Variants in FAM168A observed in about 807,000 individuals in gnomAD.
FAM168A encodes the protein family with sequence similarity 168 member A.
Under a neutral mutation model 28.5 loss-of-function variants are expected in FAM168A, and 3 were observed. That is an observed-to-expected ratio of 0.11 (90% CI 0.05 to 0.27). The LOEUF is 0.27. FAM168A is among the 10% of genes least tolerant of loss of function. The pLI is 1.00. For missense variants in FAM168A, 222 were observed against 311.5 expected, an observed-to-expected ratio of 0.71 and a Z score of 2.16; for synonymous variants, 122 against 124.2, an observed-to-expected ratio of 0.98 and a Z score of 0.12.
At chr11:73,533,014 C>T (rs1266607838) in intron 1 of FAM168A, among the ~76,000 whole-genome samples, 1 of 152,226 alleles carries the variant, frequency 6.6e-6, no homozygotes, top group African/African-American at 2.4e-5. Flanking sequence ...AGAATTTGAC[C>T]TTCTCTGTAG....
chr11:73,421,593 A>C (rs1038381593), intron 3 of FAM168A, among the ~76,000 whole-genome samples: 5 of 148,804 alleles, frequency 3.4e-5, no homozygotes, highest in African/African-American at 5.2e-5. Flanking sequence ...GTTTTAAACA[A>C]TCATTTTGCG....
At chr11:73,571,529 G>A (rs995562808) in intron 1 of FAM168A, among the ~76,000 whole-genome samples, 1 of 152,058 alleles carries the variant, frequency 6.6e-6, no homozygotes, top group African/African-American at 2.4e-5. Flanking sequence ...ATTGCAGACG[G>A]AGTCTCGTTC....
intron 1 of FAM168A, among the ~76,000 whole-genome samples, chr11:73,529,873 A>C (rs1404622908): frequency 7.1e-6 from 1 of 140,726 alleles, no homozygotes; most frequent in Non-Finnish European, 1.5e-5. Context: ...TGAAACCTCC[A>C]CCTCCTGGGT....
chr11:73,552,063 G>A (rs916513349), intron 1 of FAM168A, among the ~76,000 whole-genome samples: 1 of 152,146 alleles, frequency 6.6e-6, no homozygotes, highest in African/African-American at 2.4e-5. Context: ...AAAAGCAGTG[G>A]ACTTTCTTAT....
intron 1 of FAM168A, among the ~76,000 whole-genome samples, chr11:73,516,116 A>G (rs2134644403): frequency 6.6e-6 from 1 of 152,026 alleles, no homozygotes; most frequent in Admixed American, 6.6e-5. Flanking sequence ...AAAAAAAAAA[A>G]AGAATCAGAA....
At chr11:73,461,841 TA>T (rs1867652059) in intron 2 of FAM168A, among the ~76,000 whole-genome samples, 1 of 152,074 alleles carries the variant, frequency 6.6e-6, no homozygotes, top group South Asian at 2.1e-4. Context: ...ACCTGAATGA[TA>T]ACAGTGGAAA....
rs1036163837 is a variant in FAM168A, at chr11:73,458,024, T to C, written c.70+10381A>G. On this transcript the variant is annotated intron_variant, in intron 2 of 7. Coordinates refer to ENST00000356467, the MANE Select transcript of FAM168A (RefSeq NM_015159.3). The stretch of plus-strand genomic sequence containing the variant: ...CACTGACAGTAATTAGTGGTAGTTA[T>C]TACTATAATAACAGCAACAATAATA... Among the ~76,000 whole-genome samples, 27 of 152,110 alleles carry C rather than the reference T, an allele frequency of 1.8e-4. 1 individual carries two copies. Among genetic ancestry groups the C allele is most frequent in the Non-Finnish European group, 2.2e-4 (15 of 68,022 alleles).
At chr11:73,412,413 C>T (rs994397928) in intron 4 of FAM168A, 1 of 152,144 alleles carries the variant, frequency 6.6e-6, no homozygotes, top group African/African-American at 2.4e-5. Flanking sequence ...GAAGTCAGGC[C>T]CCAAGAAGCT....
chr11:73,574,475 C>G (rs1944146545), intron 1 of FAM168A, among the ~76,000 whole-genome samples: 1 of 152,138 alleles, frequency 6.6e-6, no homozygotes, highest in Admixed American at 6.5e-5. Context: ...AACAAATTAC[C>G]TAGATGGAAC....
chr11:73,517,635 T>A (rs1204911809), intron 1 of FAM168A, among the ~76,000 whole-genome samples: 1 of 152,136 alleles, frequency 6.6e-6, no homozygotes, highest in African/African-American at 2.4e-5. Context: ...AATACTTCTG[T>A]CTCTTAAGAG....
intron 2 of FAM168A, among the ~76,000 whole-genome samples, chr11:73,465,390 C>T (rs1321981941): frequency 6.6e-6 from 1 of 151,924 alleles, no homozygotes; most frequent in African/African-American, 2.4e-5. Context: ...AAAAGAAATG[C>T]CCTGGTCTAT....
chr11:73,522,751 G>C (rs187848410), intron 1 of FAM168A, among the ~76,000 whole-genome samples: 1 of 151,546 alleles, frequency 6.6e-6, no homozygotes, highest in Admixed American at 6.6e-5. Context: ...GGTGGCTCAC[G>C]CCTGTAATCC....
Position 73,452,954 on chromosome 11 carries a change from G to C in FAM168A, c.70+15451C>G, listed in dbSNP as rs933512491. Among the ~76,000 whole-genome samples, 6 of 151,920 alleles carry C rather than the reference G, an allele frequency of 3.9e-5. 1 individual carries two copies. Among genetic ancestry groups the C allele is most frequent in the African/African-American group, 1.2e-4 (5 of 41,340 alleles). On this transcript the variant is annotated intron_variant, in intron 2 of 7. Coordinates refer to ENST00000356467, the MANE Select transcript of FAM168A (RefSeq NM_015159.3). ...CCTTCCTGGGGTGTTAATTTTACCA[G>C]ACGGTAAATAATTTGAAGTGTTTGT...
At chr11:73,489,059 T>G (rs1868093311) in intron 1 of FAM168A, among the ~76,000 whole-genome samples, 1 of 152,080 alleles carries the variant, frequency 6.6e-6, no homozygotes, top group East Asian at 1.9e-4. Context: ...TTTTGTATTT[T>G]TAGTAGAGAC....
chr11:73,538,222 G>A (rs1175262288), intron 1 of FAM168A, among the ~76,000 whole-genome samples: 3 of 151,808 alleles, frequency 2.0e-5, no homozygotes, highest in Non-Finnish European at 2.9e-5. Flanking sequence ...ACAGTCTGCT[G>A]AATTGCATTA....
In FAM168A at chr11:73,418,132, T is replaced by C. The variant is rs146983952; in HGVS notation, c.277+1742A>G. The stretch of plus-strand genomic sequence containing the variant: ...GTATAAACATAAACTGATGTTGACA[T>C]CTAGGGGCAATGAAAACTTGAGAAA... On this transcript the variant is annotated intron_variant, in intron 4 of 7. Transcript: ENST00000356467. Among the ~76,000 whole-genome samples the C allele has an allele frequency of 4.1e-3, 629 of 152,312 alleles. 11 individuals are homozygous for C. Among genetic ancestry groups the C allele is most frequent in the Admixed American group, 0.025 (375 of 15,288 alleles).
At chr11:73,409,036 G>A (rs1210801737) in intron 6 of FAM168A, among the ~76,000 whole-genome samples, 3 of 151,996 alleles carry the variant, frequency 2.0e-5, no homozygotes, top group Non-Finnish European at 4.4e-5. Context: ...TCTGCAGCCA[G>A]AGAATGTTTA....
chr11:73,515,445 T>C (rs1308495400), intron 1 of FAM168A, among the ~76,000 whole-genome samples: 1 of 148,632 alleles, frequency 6.7e-6, no homozygotes, highest in African/African-American at 2.5e-5. Flanking sequence ...GAGGCAGAGG[T>C]TGCAGTGAGC....
intron 2 of FAM168A, among the ~76,000 whole-genome samples, chr11:73,445,971 T>C (rs969552853): frequency 2.0e-5 from 3 of 152,212 alleles, no homozygotes; most frequent in African/African-American, 2.4e-5. Context: ...ACAGTTAAGA[T>C]TGAAACCAGA....
Sources: allele counts gnomAD v4.1 joint callset (sites outside exome capture counted in the v4.1 genomes callset), GRCh38; gene constraint gnomAD v4.1.1; transcripts MANE v1.5; gene names NCBI Gene and HGNC (gene_info 2026-07-23, HGNC 2026-07-21).